The following VAV3 variants were observed in gnomAD, a reference collection of about 807,000 sequenced individuals.
VAV3 encodes vav guanine nucleotide exchange factor 3.
A neutral mutation model predicts 131.2 loss-of-function variants in VAV3; 94 were observed. The observed-to-expected ratio is 0.72, with a 90% CI of 0.61 to 0.85. VAV3 has a LOEUF of 0.85. Among genes scored for constraint, VAV3 ranks in the 40% least tolerant of loss-of-function variants. VAV3 has a pLI of 0.00. For missense variants in VAV3, 939 were observed against 1,002.7 expected (o/e 0.94, Z 0.86); for synonymous variants, 349 against 342.0 (o/e 1.02, Z -0.22).
intron 4 of VAV3, among the ~76,000 whole-genome samples, chr1:107,775,363 G>T (rs987280728): frequency 6.6e-6 from 1 of 152,080 alleles, no homozygotes; most frequent in Non-Finnish European, 1.5e-5. Flanking sequence ...GGTGGATCAT[G>T]AGGTCAGGAG....
chr1:107,621,045 C>T (rs192943239), intron 20 of VAV3, among the ~76,000 whole-genome samples: 27 of 151,506 alleles, frequency 1.8e-4, no homozygotes, highest in Admixed American at 1.8e-3. Flanking sequence ...ATAAACTGAA[C>T]TGTTCTGGGT....
chr1:107,812,551 G>A (rs1489110933), intron 2 of VAV3, among the ~76,000 whole-genome samples: 1 of 151,848 alleles, frequency 6.6e-6, no homozygotes, highest in Admixed American at 6.6e-5. Flanking sequence ...TATTTTTAAT[G>A]TACTCAATGG....
chr1:107,693,912 T>C (rs1306318635), intron 17 of VAV3, among the ~76,000 whole-genome samples: 1 of 152,070 alleles, frequency 6.6e-6, no homozygotes, highest in African/African-American at 2.4e-5. Flanking sequence ...CCAATGGACT[T>C]GATGAAAAAT....
rs539074742 is a variant in VAV3 at position 107,810,109 on chromosome 1, G to A, written c.322-30617C>T. Among the ~76,000 whole-genome samples the A allele has an allele frequency of 1.6e-4, 25 of 152,260 alleles. No individual in the cohort carries two copies. In the East Asian group the frequency reaches 4.4e-3, roughly 27 times the overall value. ...AAAAGAAAAGACTGATTAGAATTCT[G>A]CTGATAAATTGCCACTGATTGGGTA... is the stretch of plus-strand genomic sequence containing the variant. On this transcript the variant is annotated intron_variant, in intron 2 of 26. Coordinates refer to ENST00000370056, the MANE Select transcript of VAV3 (RefSeq NM_006113.5).
chr1:107,779,352 T>C, intron 3 of VAV3, 82 bp downstream of exon 3: 1 of 1,288,658 alleles, frequency 7.8e-7, no homozygotes, highest in Non-Finnish European at 1.1e-6. Flanking sequence ...GTGTGCAAGA[T>C]GCTTCACAAA....
intron 18 of VAV3, 68 bp from the exon 19 acceptor site, chr1:107,683,601 A>G (rs1658805325): frequency 1.4e-6 from 2 of 1,470,764 alleles, no homozygotes; most frequent in Admixed American, 3.4e-5. Flanking sequence ...AAATTGTATT[A>G]CTACTGGCAC....
intron 20 of VAV3, among the ~76,000 whole-genome samples, chr1:107,622,918 T>C (rs4511145): frequency 0.38 from 58,096 of 151,928 alleles, 11,588 homozygotes; most frequent in East Asian, 0.47. Context: ...GAAGGATGGA[T>C]GGAAAGATGA....
intron 2 of VAV3, among the ~76,000 whole-genome samples, chr1:107,844,297 T>C (rs566813581): frequency 3.9e-5 from 6 of 152,236 alleles, no homozygotes; most frequent in African/African-American, 1.4e-4. Flanking sequence ...CCAGATACTA[T>C]GTTTTTCCCA....
At chr1:107,942,002 C>CTCATCTTT (rs1674016344) in intron 1 of VAV3, among the ~76,000 whole-genome samples, 1 of 152,152 alleles carries the variant, frequency 6.6e-6, no homozygotes, top group Non-Finnish European at 1.5e-5. Flanking sequence ...TAGAATACCC[C>CTCATCTTT]TCATCTTTTC....
intron 2 of VAV3, among the ~76,000 whole-genome samples, chr1:107,841,586 A>G (rs1668712193): frequency 6.6e-6 from 1 of 152,238 alleles, no homozygotes; most frequent in Admixed American, 6.5e-5. Flanking sequence ...TATCATTAAC[A>G]TACAAAAACA....
At chr1:107,939,590 A>G (rs959977433) in intron 1 of VAV3, among the ~76,000 whole-genome samples, 10 of 152,200 alleles carry the variant, frequency 6.6e-5, no homozygotes, top group Admixed American at 6.5e-4. Flanking sequence ...CATGTCTACA[A>G]AACACCCAGT....
chr1:107,904,562 T>C (rs559508536), intron 1 of VAV3, among the ~76,000 whole-genome samples: 64 of 152,344 alleles, frequency 4.2e-4, no homozygotes, highest in African/African-American at 1.4e-3. Flanking sequence ...TTCTCCTGCA[T>C]TTATTTCTGC....
intron 1 of VAV3, among the ~76,000 whole-genome samples, chr1:107,906,859 A>G (rs1047245603): frequency 1.1e-4 from 16 of 152,104 alleles, no homozygotes; most frequent in Admixed American, 6.5e-4. Flanking sequence ...GTCTCTAGAG[A>G]CCCTTGGTCC....
chr1:107,649,400 A>G (rs1655989275), intron 19 of VAV3, among the ~76,000 whole-genome samples: 1 of 152,116 alleles, frequency 6.6e-6, no homozygotes, highest in Admixed American at 6.6e-5. Flanking sequence ...GCAGATATCT[A>G]AGTCAGCAAA....
intron 20 of VAV3, among the ~76,000 whole-genome samples, chr1:107,630,818 T>A (rs1654410150): frequency 6.6e-6 from 1 of 152,136 alleles, no homozygotes; most frequent in Non-Finnish European, 1.5e-5. Flanking sequence ...GATCAACCAG[T>A]ACATGATTCC....
At chr1:107,935,180 C>T (rs1673647662) in intron 1 of VAV3, among the ~76,000 whole-genome samples, 1 of 152,166 alleles carries the variant, frequency 6.6e-6, no homozygotes, top group South Asian at 2.1e-4. Flanking sequence ...TGTAAGATTA[C>T]AGTTTCCTAC....
chr1:107,624,427 G>T (rs1269438271), intron 20 of VAV3, among the ~76,000 whole-genome samples: 8 of 141,812 alleles, frequency 5.6e-5, no homozygotes. Flanking sequence ...AGAAACAAGA[G>T]AATACCTTTA....
intron 1 of VAV3, among the ~76,000 whole-genome samples, chr1:107,947,911 A>T (rs1375897863): frequency 6.6e-6 from 1 of 152,180 alleles, no homozygotes; most frequent in Non-Finnish European, 1.5e-5. Context: ...ATGGTCCCTA[A>T]TTTCATGGAA....
chr1:107,706,604 T>C (rs571110470), intron 15 of VAV3, among the ~76,000 whole-genome samples: 2 of 152,296 alleles, frequency 1.3e-5, no homozygotes, highest in Admixed American at 6.5e-5. Context: ...CACAGGAACA[T>C]ATAAGGATCT....
Sources: allele counts gnomAD v4.1 joint callset (sites outside exome capture counted in the v4.1 genomes callset), GRCh38; gene constraint gnomAD v4.1.1; transcripts MANE v1.5; gene names NCBI Gene and HGNC (gene_info 2026-07-23, HGNC 2026-07-21).